PPM1B: variants seen among roughly 807,000 people sequenced by gnomAD.
PPM1B encodes the protein protein phosphatase 1B.
Under a neutral mutation model 43.0 loss-of-function variants are expected in PPM1B, and 22 were observed. The observed-to-expected ratio is 0.51, with a 90% CI of 0.37 to 0.73. The LOEUF is 0.73. PPM1B is among the 30% of genes least tolerant of loss of function. The pLI, the probability that PPM1B is intolerant of heterozygous loss-of-function variation, is 0.00. For synonymous variants in PPM1B, 217 were observed against 197.9 expected (o/e 1.10, Z -0.81); for missense variants, 632 against 584.2 (o/e 1.08, Z -0.84).
chr2:44,200,768 C>A (rs1480201816), intron 1 of PPM1B, among the ~76,000 whole-genome samples: 1 of 152,162 alleles, frequency 6.6e-6, no homozygotes, highest in South Asian at 2.1e-4. Flanking sequence ...TTTGAATATT[C>A]TCATTGTCCA....
chr2:44,205,836 T>C (rs1669165799), intron 2 of PPM1B, among the ~76,000 whole-genome samples: 1 of 152,174 alleles, frequency 6.6e-6, no homozygotes, highest in Admixed American at 6.5e-5. Context: ...AGGGAAATTA[T>C]CATTTTCCAA....
At chr2:44,182,051 A>G (rs1290300463) in intron 1 of PPM1B, among the ~76,000 whole-genome samples, 1 of 152,218 alleles carries the variant, frequency 6.6e-6, no homozygotes, top group Admixed American at 6.5e-5. Context: ...TTGAAATGCC[A>G]CAAAGTACCT....
chr2:44,218,484 A>G lies in PPM1B; in HGVS notation c.1081A>G (p.Asn361Asp), dbSNP rs1669825836. Residue 361 changes from asparagine (N) to aspartate (D), a missense_variant, in exon 5 of 6, where the codon AAT becomes GAT. Transcript: ENST00000282412. The part of the protein sequence containing the change: ...PPGGGLAGKR[N>D]VIEAVYSRLN... ...AAGCATGTTTTTTTTTTTTAGGCGT[A>G]ATGTTATTGAAGCTGTTTATAGTAG... The G allele has an allele frequency of 6.3e-7, 1 of 1,577,800 alleles. No individual in the cohort carries two copies. The highest frequency in any genetic ancestry group is 2.3e-5 in the East Asian group (1 of 44,406).
chr2:44,183,203 G>A (rs1453709161), intron 1 of PPM1B, among the ~76,000 whole-genome samples: 1 of 152,150 alleles, frequency 6.6e-6, no homozygotes, highest in Non-Finnish European at 1.5e-5. Context: ...TTGTTGGATT[G>A]CTTTGTCTGG....
intron 5 of PPM1B, among the ~76,000 whole-genome samples, chr2:44,223,438 A>G (rs1670063284): frequency 6.6e-6 from 1 of 152,128 alleles, no homozygotes; most frequent in South Asian, 2.1e-4. Flanking sequence ...CAGTTTTTAG[A>G]ACTATGTGAA....
At chr2:44,227,922 C>CTT (rs59259343) in intron 5 of PPM1B, among the ~76,000 whole-genome samples, 1,089 of 106,760 alleles carry the variant, frequency 0.01, 25 homozygotes, top group Non-Finnish European at 0.014. Flanking sequence ...TTTTTCTTTT[C>CTT]TTTTTTTTTT....
chr2:44,182,062 T>C (rs1667900323), intron 1 of PPM1B, among the ~76,000 whole-genome samples: 2 of 152,094 alleles, frequency 1.3e-5, no homozygotes, highest in Admixed American at 6.5e-5. Context: ...CAAAGTACCT[T>C]ATTTTGAGAA....
chr2:44,215,988 A>G (rs979418643), intron 3 of PPM1B, among the ~76,000 whole-genome samples: 20 of 152,222 alleles, frequency 1.3e-4, no homozygotes, highest in African/African-American at 4.8e-4. Context: ...CAGCTGGGTT[A>G]GAATAAGCCA....
At chr2:44,230,179 C>G (rs1670406667) in intron 5 of PPM1B, 2 of 1,422,532 alleles carry the variant, frequency 1.4e-6, no homozygotes, top group Admixed American at 3.2e-5. Context: ...CTTTAAATGA[C>G]TGTGAAATAA....
intron 3 of PPM1B, among the ~76,000 whole-genome samples, chr2:44,216,185 A>G (rs971581216): frequency 2.0e-5 from 3 of 152,222 alleles, no homozygotes; most frequent in Non-Finnish European, 4.4e-5. Context: ...AAGCCAAAAT[A>G]CCGATTAGAA....
chr2:44,210,579 T>C (rs1473705527), intron 3 of PPM1B, among the ~76,000 whole-genome samples: 1 of 152,140 alleles, frequency 6.6e-6, no homozygotes, highest in Non-Finnish European at 1.5e-5. Flanking sequence ...CATGTACATG[T>C]AGTGTCCTTT....
intron 1 of PPM1B, among the ~76,000 whole-genome samples, chr2:44,181,473 A>C (rs1667871806): frequency 6.6e-6 from 1 of 152,198 alleles, no homozygotes; most frequent in African/African-American, 2.4e-5. Context: ...CTGTAGGTGG[A>C]TTAGAGGAAG....
At chr2:44,232,522 G>C, downstream of PPM1B, 1 of 1,451,024 alleles carries the variant, frequency 6.9e-7, no homozygotes, top group South Asian at 1.5e-5. Flanking sequence ...TCTGACAGTT[G>C]CCACTTGTAG....
intron 5 of PPM1B, among the ~76,000 whole-genome samples, chr2:44,228,111 A>G (rs984629330): frequency 3.4e-5 from 5 of 148,684 alleles, no homozygotes; most frequent in African/African-American, 1.2e-4. Flanking sequence ...TTTAGTAGAG[A>G]TAGGGTTTCA....
intron 1 of PPM1B, among the ~76,000 whole-genome samples, chr2:44,176,218 A>G (rs1312884851): frequency 6.6e-6 from 1 of 152,190 alleles, no homozygotes; most frequent in Non-Finnish European, 1.5e-5. Context: ...GGAAAGGAGG[A>G]TGGGAGTAAA....
chr2:44,206,500 A>G (rs968385186), intron 2 of PPM1B, among the ~76,000 whole-genome samples: 5 of 152,204 alleles, frequency 3.3e-5, no homozygotes, highest in Non-Finnish European at 7.3e-5. Context: ...TCTTTGGAGA[A>G]CCATAAATTT....
chr2:44,213,842 A>G (rs1316651055), intron 3 of PPM1B: 2 of 152,194 alleles, frequency 1.3e-5, no homozygotes, highest in Admixed American at 6.5e-5. Context: ...ATAGGAGTTA[A>G]TATTTAATGA....
intron 2 of PPM1B, among the ~76,000 whole-genome samples, chr2:44,208,771 A>G (rs1212579967): frequency 6.6e-6 from 1 of 152,230 alleles, no homozygotes; most frequent in East Asian, 1.9e-4. Flanking sequence ...CCGAATAACA[A>G]TTTTCAGCTA....
chr2:44,244,806 G>T (rs1670823979), downstream of PPM1B, among the ~76,000 whole-genome samples: 1 of 116,204 alleles, frequency 8.6e-6, no homozygotes. Flanking sequence ...ATTTAGAAGT[G>T]TATAATTACT....
Sources: allele counts gnomAD v4.1 joint callset (sites outside exome capture counted in the v4.1 genomes callset), GRCh38; gene constraint gnomAD v4.1.1; transcripts MANE v1.5; gene names NCBI Gene and HGNC (gene_info 2026-07-23, HGNC 2026-07-21).